The following C12orf42 variants were observed in gnomAD, a reference collection of about 807,000 sequenced individuals.
C12orf42 encodes the protein uncharacterized protein C12orf42.
Under a neutral mutation model 21.6 loss-of-function variants are expected in C12orf42, and 25 were observed. The observed-to-expected ratio is 1.16, with a 90% CI of 0.84 to 1.62. The LOEUF is 1.62. Ranked by LOEUF, C12orf42 falls within the 40% of genes most tolerant of loss-of-function variation. The pLI, the probability that C12orf42 is intolerant of heterozygous loss-of-function variation, is 0.00. For missense variants in C12orf42, 483 were observed against 459.3 expected (o/e 1.05, Z -0.47); for synonymous variants, 174 against 175.0 (o/e 0.99, Z 0.05).
chr12:103,429,029 G>T (rs1592762725), intron 2 of C12orf42, among the ~76,000 whole-genome samples: 2 of 152,228 alleles, frequency 1.3e-5, no homozygotes. Context: ...ATGAGCAAAA[G>T]CTAGAAGCAT....
intron 3 of C12orf42, among the ~76,000 whole-genome samples, chr12:103,388,416 T>C (rs7965775): frequency 0.35 from 53,721 of 152,072 alleles, 11,729 homozygotes; most frequent in Admixed American, 0.51. Flanking sequence ...CCCTGCCCCA[T>C]GCCGCTGTTA....
intron 2 of C12orf42, among the ~76,000 whole-genome samples, chr12:103,450,431 C>G: frequency 6.6e-6 from 1 of 152,134 alleles, no homozygotes; most frequent in Admixed American, 6.5e-5. Flanking sequence ...TATTTTCTAT[C>G]AGTGTTCATG....
At chr12:103,216,925 C>A in the C12orf42 span, among the ~76,000 whole-genome samples, 1 of 152,088 alleles carries the variant, frequency 6.6e-6, no homozygotes, top group African/African-American at 2.4e-5. Context: ...TCACTGTAAC[C>A]TCTGCCTCCC....
At chr12:103,173,721 G>A in the C12orf42 span, among the ~76,000 whole-genome samples, 2 of 152,034 alleles carry the variant, frequency 1.3e-5, no homozygotes, top group African/African-American at 4.8e-5. Flanking sequence ...TTCCTTTGGT[G>A]GATTGTGCTT....
rs372412603 is a variant in C12orf42, at chr12:103,314,104, G to C, written c.260-7759C>G. On this transcript the variant is annotated intron_variant, in intron 4 of 5. Coordinates refer to ENST00000548883, the MANE Select transcript of C12orf42 (RefSeq NM_198521.5). Reference sequence around the variant, plus strand: ...AAAGGGCTTAGTCATTTCAGGAGTGGAAAAAAAGAGTATCCCAGCCTGACA... The same window carrying C: ...AAAGGGCTTAGTCATTTCAGGAGTGCAAAAAAAGAGTATCCCAGCCTGACA... Among the ~76,000 whole-genome samples the C allele has an allele frequency of 5.3e-5, 8 of 152,112 alleles. No individual in the cohort carries two copies. In the South Asian group the frequency reaches 1.7e-3, roughly 32 times the overall value.
chr12:103,452,447 CA>C (rs777745791), intron 2 of C12orf42, among the ~76,000 whole-genome samples: 5 of 152,034 alleles, frequency 3.3e-5, no homozygotes, highest in Non-Finnish European at 7.4e-5. Flanking sequence ...GGAGAAGCTA[CA>C]AAGTCATATG....
chr12:103,314,444 A>T (rs935395077), intron 4 of C12orf42, among the ~76,000 whole-genome samples: 1 of 152,152 alleles, frequency 6.6e-6, no homozygotes, highest in Non-Finnish European at 1.5e-5. Flanking sequence ...GGAATTGTAA[A>T]CTGGTAGGAA....
chr12:103,486,905 C>A (rs535667699), intron 1 of C12orf42, among the ~76,000 whole-genome samples: 19 of 152,278 alleles, frequency 1.2e-4, no homozygotes, highest in African/African-American at 4.3e-4. Context: ...TTCAAAAAAC[C>A]AGCTCCTGGA....
At chr12:103,399,787 A>G (rs908416686) in intron 3 of C12orf42, among the ~76,000 whole-genome samples, 1 of 152,162 alleles carries the variant, frequency 6.6e-6, no homozygotes, top group Non-Finnish European at 1.5e-5. Flanking sequence ...AGTAAATACA[A>G]TATGTAAGGT....
At chr12:103,250,156 C>T (rs1334929073) in intron 10 of C12orf42, among the ~76,000 whole-genome samples, 1 of 151,782 alleles carries the variant, frequency 6.6e-6, no homozygotes, top group East Asian at 1.9e-4. Context: ...GGAATGTCGG[C>T]TAAGATTTTT....
intron 10 of C12orf42, among the ~76,000 whole-genome samples, chr12:103,256,111 TACAC>T (rs199952822): frequency 0.022 from 745 of 33,804 alleles, 20 homozygotes; most frequent in African/African-American, 0.056. Flanking sequence ...TATATATATA[TACAC>T]ACACACACAC....
chr12:103,516,802 T>C, the C12orf42 span, among the ~76,000 whole-genome samples: 1 of 152,092 alleles, frequency 6.6e-6, no homozygotes, highest in Non-Finnish European at 1.5e-5. Flanking sequence ...CAGGACTTTA[T>C]AATAGGAAGG....
intron 3 of C12orf42, among the ~76,000 whole-genome samples, chr12:103,370,560 T>A (rs2045106972): frequency 6.6e-6 from 1 of 152,056 alleles, no homozygotes; most frequent in African/African-American, 2.4e-5. Context: ...TAAAAAAGAA[T>A]GAGATCATGT....
At chr12:103,168,165 G>A in the C12orf42 span, 11 of 444,532 alleles carry the variant, frequency 2.5e-5, no homozygotes, top group Non-Finnish European at 4.5e-5. Flanking sequence ...ATCATCTAAA[G>A]AAGATTCCTC....
At chr12:103,128,739 TGTC>T in the C12orf42 span, among the ~76,000 whole-genome samples, 1 of 152,224 alleles carries the variant, frequency 6.6e-6, no homozygotes, top group Admixed American at 6.5e-5. Context: ...TCATCATCAT[TGTC>T]ATTATTTCCA....
the C12orf42 span, among the ~76,000 whole-genome samples, chr12:103,093,202 A>G: frequency 6.6e-6 from 1 of 152,174 alleles, no homozygotes; most frequent in Non-Finnish European, 1.5e-5. Flanking sequence ...AGATTGTCCT[A>G]TGAGTCTCCA....
chr12:103,221,785 T>C, the C12orf42 span, among the ~76,000 whole-genome samples: 1 of 152,182 alleles, frequency 6.6e-6, no homozygotes, highest in Non-Finnish European at 1.5e-5. Flanking sequence ...TTCTTTTCCA[T>C]TGTTCCTTGC....
the C12orf42 span, among the ~76,000 whole-genome samples, chr12:103,543,061 G>A: frequency 6.6e-6 from 1 of 152,178 alleles, no homozygotes; most frequent in African/African-American, 2.4e-5. Context: ...ATTTGCCAAG[G>A]ATGAGGAGGT....
At chr12:103,474,220 T>C (rs1057484975) in intron 2 of C12orf42, among the ~76,000 whole-genome samples, 4 of 151,706 alleles carry the variant, frequency 2.6e-5, no homozygotes, top group African/African-American at 9.7e-5. Context: ...CACAAAAAAG[T>C]AAAGGAGTAA....
Sources: allele counts gnomAD v4.1 joint callset (sites outside exome capture counted in the v4.1 genomes callset), GRCh38; gene constraint gnomAD v4.1.1; transcripts MANE v1.5; gene names NCBI Gene and HGNC (gene_info 2026-07-23, HGNC 2026-07-21).